Variants in FNDC3A observed in about 807,000 individuals in gnomAD.
FNDC3A encodes fibronectin type-III domain-containing protein 3A.
Under a neutral mutation model 148.9 loss-of-function variants are expected in FNDC3A, and 32 were observed. The observed-to-expected ratio is 0.21, with a 90% confidence interval of 0.16 to 0.29. The LOEUF (loss-of-function observed/expected upper bound fraction) is 0.29. FNDC3A is among the 10% of genes least tolerant of loss of function. FNDC3A has a pLI of 1.00. For synonymous variants in FNDC3A, 472 were observed against 473.6 expected (o/e 1.00, Z 0.04); for missense variants, 1,191 against 1,452.8 (o/e 0.82, Z 2.93).
intron 16 of FNDC3A, chr13:49,187,733 A>C (rs1374801703): frequency 9.1e-7 from 1 of 1,097,270 alleles, no homozygotes; most frequent in Non-Finnish European, 1.3e-6. Flanking sequence ...GCGGCACCTC[A>C]CCAAGACCTT....
At position 49,198,583 on chromosome 13, in the gene FNDC3A, T is replaced by C. The variant is rs894522440; in HGVS notation, c.2987+9T>C. 6 of 1,589,350 alleles carry C rather than the reference T, an allele frequency of 3.8e-6. No individual in the cohort carries two copies. The highest frequency in any genetic ancestry group is 5.2e-6 in the Non-Finnish European group (6 of 1,157,640). On this transcript the variant is annotated intron_variant, in intron 23 of 25. Transcript: ENST00000492622. ...GAGGATAAGAATGGACGGTAGGTTT[T>C]TTTAATTGCTTCTTTATATAGTTTC...
intron 1 of FNDC3A, among the ~76,000 whole-genome samples, chr13:48,983,418 G>A (rs968603623): frequency 6.6e-6 from 1 of 152,134 alleles, no homozygotes; most frequent in African/African-American, 2.4e-5. Context: ...ATAAGAGAAG[G>A]TAGTAAATAT....
intron 4 of FNDC3A, among the ~76,000 whole-genome samples, chr13:49,121,809 A>G (rs1472752369): frequency 1.3e-5 from 2 of 152,216 alleles, no homozygotes; most frequent in Non-Finnish European, 2.9e-5. Flanking sequence ...GAAGAAGTGG[A>G]ATCCCTGAAT....
intron 4 of FNDC3A, among the ~76,000 whole-genome samples, chr13:49,115,198 T>TAA (rs11450075): frequency 0.15 from 20,432 of 140,200 alleles, 1,558 homozygotes; most frequent in African/African-American, 0.16. Flanking sequence ...GGGGGGGAAA[T>TAA]AAAAAAAAAA....
At chr13:49,167,507 C>G (rs1884537799) in intron 9 of FNDC3A, among the ~76,000 whole-genome samples, 1 of 152,172 alleles carries the variant, frequency 6.6e-6, no homozygotes, top group Non-Finnish European at 1.5e-5. Context: ...GAGTTCAAGA[C>G]CAGTCTGAGT....
intron 3 of FNDC3A, among the ~76,000 whole-genome samples, chr13:49,098,424 C>T (rs565594846): frequency 1.3e-5 from 2 of 152,174 alleles, no homozygotes; most frequent in South Asian, 4.1e-4. Flanking sequence ...CTAAGTGCTC[C>T]TTCCTACTAA....
intron 8 of FNDC3A, among the ~76,000 whole-genome samples, chr13:49,152,358 G>A (rs1471101936): frequency 2.0e-5 from 3 of 152,044 alleles, no homozygotes; most frequent in Non-Finnish European, 4.4e-5. Context: ...TGTGTCTGTT[G>A]GCTGCATGAA....
At chr13:49,130,399 A>AT (rs1881956224) in intron 4 of FNDC3A, among the ~76,000 whole-genome samples, 2 of 152,082 alleles carry the variant, frequency 1.3e-5, no homozygotes, top group African/African-American at 4.8e-5. Context: ...CATGTCATTG[A>AT]TTATCTGATT....
chr13:49,160,326 T>G (rs1318518263), intron 8 of FNDC3A, among the ~76,000 whole-genome samples: 2 of 152,224 alleles, frequency 1.3e-5, no homozygotes, highest in African/African-American at 4.8e-5. Context: ...GGGATTCGAC[T>G]TCTTCCTGGT....
chr13:49,082,452 T>A (rs891768374), intron 3 of FNDC3A, among the ~76,000 whole-genome samples: 1 of 152,124 alleles, frequency 6.6e-6, no homozygotes, highest in African/African-American at 2.4e-5. Flanking sequence ...GTTTTGATTT[T>A]AAAAATCTAG....
intron 8 of FNDC3A, among the ~76,000 whole-genome samples, chr13:49,153,101 TC>T (rs1883421196): frequency 6.6e-6 from 1 of 151,960 alleles, no homozygotes; most frequent in Non-Finnish European, 1.5e-5. Context: ...CACACTGACT[TC>T]CACAATGGTT....
chr13:49,189,684 A>G (rs1453905965), intron 17 of FNDC3A, among the ~76,000 whole-genome samples: 1 of 152,162 alleles, frequency 6.6e-6, no homozygotes, highest in African/African-American at 2.4e-5. Flanking sequence ...CAGTTGCTTC[A>G]TTTTATCCAG....
chr13:49,093,537 T>C (rs922180450), intron 3 of FNDC3A, among the ~76,000 whole-genome samples: 3 of 152,146 alleles, frequency 2.0e-5, no homozygotes, highest in Non-Finnish European at 4.4e-5. Context: ...TACGAAGAAA[T>C]TGAGACACAG....
At chr13:49,146,788 T>C (rs552922193) in intron 8 of FNDC3A, 1 of 152,294 alleles carries the variant, frequency 6.6e-6, no homozygotes, top group Non-Finnish European at 1.5e-5. Flanking sequence ...AAAGATTCAG[T>C]AGCTAAAGTT....
At chr13:49,196,784 CTTTA>C (rs1214453215) in intron 19 of FNDC3A, 89 bp from the exon 20 acceptor site, 2 of 576,394 alleles carry the variant, frequency 3.5e-6, no homozygotes, top group Non-Finnish European at 3.0e-6. Flanking sequence ...AGGGAAAAGA[CTTTA>C]TTAATGAATC....
At chr13:49,175,913 T>C (rs1885005306) in intron 13 of FNDC3A, among the ~76,000 whole-genome samples, 1 of 152,210 alleles carries the variant, frequency 6.6e-6, no homozygotes, top group Non-Finnish European at 1.5e-5. Context: ...TGAAGGGGTA[T>C]TGAATTTTAT....
chr13:49,103,427 G>C (rs1374540609), intron 3 of FNDC3A, among the ~76,000 whole-genome samples: 4 of 152,244 alleles, frequency 2.6e-5, no homozygotes, highest in African/African-American at 9.6e-5. Flanking sequence ...TCATGTGGAA[G>C]CATAGTAGGC....
chr13:49,083,550 G>A (rs535886234), intron 3 of FNDC3A, among the ~76,000 whole-genome samples: 2 of 152,316 alleles, frequency 1.3e-5, no homozygotes, highest in African/African-American at 4.8e-5. Context: ...AAGATAACCA[G>A]GAGATCATAG....
chr13:49,033,125 G>A (rs900957222), intron 2 of FNDC3A, among the ~76,000 whole-genome samples: 3 of 151,940 alleles, frequency 2.0e-5, no homozygotes, highest in East Asian at 3.9e-4. Context: ...TATATAAACC[G>A]CAAATATACT....
Sources: gnomAD v4.1 joint callset for allele counts (sites outside exome capture counted in the v4.1 genomes callset) on GRCh38, gnomAD v4.1.1 for gene constraint, MANE v1.5 for transcripts, NCBI Gene and HGNC (gene_info 2026-07-23, HGNC 2026-07-21) for gene names.